The following ADCY3 variants were observed in gnomAD, a reference collection of about 807,000 sequenced individuals.
ADCY3 encodes the protein adenylate cyclase type 3.
A neutral mutation model predicts 119.4 loss-of-function variants in ADCY3; 70 were observed. The ratio of observed to expected loss-of-function variants is 0.59; its 90% CI spans 0.48 to 0.72. The LOEUF (loss-of-function observed/expected upper bound fraction) is 0.72, where lower values mean the gene tolerates loss of function less well. Ranked by LOEUF, ADCY3 falls within the 30% of genes least tolerant of loss-of-function variation. The pLI is 0.00. For missense variants in ADCY3, 1,238 were observed against 1,541.6 expected (o/e 0.80, Z 3.30); for synonymous variants, 672 against 621.4 (o/e 1.08, Z -1.21).
chr2:24,915,791 T>C (rs1034272522), intron 2 of ADCY3, among the ~76,000 whole-genome samples: 4 of 152,210 alleles, frequency 2.6e-5, no homozygotes, highest in African/African-American at 9.7e-5. Flanking sequence ...TCCGCCCGCC[T>C]CAGCCTGCCA....
intron 2 of ADCY3, among the ~76,000 whole-genome samples, chr2:24,894,775 A>G (rs996870824): frequency 6.6e-6 from 1 of 151,546 alleles, no homozygotes; most frequent in Non-Finnish European, 1.5e-5. Flanking sequence ...TTGCCTCAAC[A>G]TTTTTTGTAC....
chr2:24,848,052 C>T (rs1321134752), intron 3 of ADCY3, among the ~76,000 whole-genome samples: 1 of 152,240 alleles, frequency 6.6e-6, no homozygotes, highest in Non-Finnish European at 1.5e-5. Flanking sequence ...CTCACTGTGG[C>T]TATAAGGTGT....
chr2:24,850,681 T>C (rs1234988548), intron 3 of ADCY3, among the ~76,000 whole-genome samples: 2 of 152,230 alleles, frequency 1.3e-5, no homozygotes, highest in Admixed American at 6.5e-5. Flanking sequence ...TAAAAAGATA[T>C]ACGTAGAAGG....
rs1293725674 is a variant in ADCY3 at position 24,865,029 on chromosome 2, AG to A, written c.825+7540del. ...TATTTATTACAGCAATGTTTACAGTAGCAAAAGATTGGAAATAACCTAGAAA... is the reference window on the plus strand; with the variant it reads ...TATTTATTACAGCAATGTTTACAGTACAAAAGATTGGAAATAACCTAGAAA... On this transcript the variant is annotated intron_variant, in intron 3 of 21. Transcript: ENST00000679454. Among the ~76,000 whole-genome samples, 21 of 152,344 alleles carry A rather than the reference AG, an allele frequency of 1.4e-4. No homozygotes were observed. The South Asian group carries it at 2.7e-3, about 20-fold the overall frequency.
chr2:24,847,758 T>G (rs1450561437), intron 3 of ADCY3, among the ~76,000 whole-genome samples: 2 of 152,202 alleles, frequency 1.3e-5, no homozygotes, highest in Non-Finnish European at 2.9e-5. Flanking sequence ...AGGAAGGTTT[T>G]CAAGAAAAGC....
At chr2:24,840,414 C>A in intron 6 of ADCY3, 1 of 392,254 alleles carries the variant, frequency 2.5e-6, no homozygotes, top group South Asian at 2.2e-5. Flanking sequence ...CAGCCCCCTG[C>A]CTGAACGTGT....
intron 16 of ADCY3, among the ~76,000 whole-genome samples, chr2:24,825,334 C>G (rs1340153092): frequency 1.2e-5 from 1 of 81,572 alleles, no homozygotes; most frequent in African/African-American, 6.8e-5. Flanking sequence ...GTGGTTGTGG[C>G]GGGGGGGGGG....
intron 3 of ADCY3, among the ~76,000 whole-genome samples, chr2:24,867,262 G>A (rs1225835785): frequency 1.3e-5 from 2 of 152,242 alleles, no homozygotes; most frequent in Non-Finnish European, 2.9e-5. Context: ...ATAGTGAAAT[G>A]CTTTTAAAGG....
At chr2:24,821,089 A>T (rs1014483617) in intron 20 of ADCY3, 3 of 532,070 alleles carry the variant, frequency 5.6e-6, no homozygotes, top group Non-Finnish European at 9.8e-6. Flanking sequence ...GGTAGTGGCC[A>T]GCTTCTAACA....
intron 2 of ADCY3, among the ~76,000 whole-genome samples, chr2:24,879,761 G>A (rs1259905274): frequency 1.3e-5 from 2 of 152,086 alleles, no homozygotes; most frequent in East Asian, 1.9e-4. Context: ...CCCTTACCCC[G>A]GGGCCAGGGC....
chr2:24,861,084 G>A (rs1368062934), intron 3 of ADCY3, among the ~76,000 whole-genome samples: 1 of 152,048 alleles, frequency 6.6e-6, no homozygotes, highest in African/African-American at 2.4e-5. Flanking sequence ...AACCCCGTCT[G>A]TACTAGAAAT....
rs554839167 is a variant in ADCY3, at chr2:24,898,401, G to A, written c.675+19912C>T. 1.3e-5 allele frequency among the ~76,000 whole-genome samples: 2 copies of A among 152,224 alleles called. No homozygotes were observed. The highest frequency in any genetic ancestry group is 4.2e-4 in the South Asian group (2 of 4,808). ...TGGGAGTCGGGACACTGACTGTGTG[G>A]GAATGCACCTATGCAGGGCTGTCCT... On this transcript the variant is annotated intron_variant, in intron 2 of 21. Coordinates refer to ENST00000679454, the MANE Select transcript of ADCY3 (RefSeq NM_004036.5). The surrounding 1 kb of genome is among the most constrained non-coding windows in gnomAD (Gnocchi z 4.3).
intron 7 of ADCY3, among the ~76,000 whole-genome samples, chr2:24,839,560 G>T (rs58226332): frequency 6.6e-6 from 1 of 152,282 alleles, no homozygotes; most frequent in African/African-American, 2.4e-5. Flanking sequence ...AGGAGAGCTG[G>T]GGCAGCCCCC....
At chr2:24,885,173 C>T (rs762955842) in intron 2 of ADCY3, among the ~76,000 whole-genome samples, 9 of 152,188 alleles carry the variant, frequency 5.9e-5, no homozygotes, top group Non-Finnish European at 1.2e-4. Context: ...TCTTGATGAG[C>T]ACCACCTGCA....
chr2:24,822,388 C>G, intron 19 of ADCY3, 123 bp downstream of exon 19: 1 of 1,328,460 alleles, frequency 7.5e-7, no homozygotes, highest in South Asian at 1.4e-5. Flanking sequence ...TTACGTGGTG[C>G]TGGTGGTGTG....
intron 2 of ADCY3, among the ~76,000 whole-genome samples, chr2:24,882,854 C>T (rs1021114013): frequency 5.3e-5 from 8 of 152,084 alleles, no homozygotes; most frequent in African/African-American, 1.4e-4. Flanking sequence ...GTCAGGAGTT[C>T]GAGACCAGCC....
intron 2 of ADCY3, among the ~76,000 whole-genome samples, chr2:24,894,979 T>C (rs374621388): frequency 6.6e-6 from 1 of 152,228 alleles, no homozygotes; most frequent in Admixed American, 6.5e-5. Context: ...TCTTTGTTCC[T>C]CTCTATGTCG....
chr2:24,912,166 C>G (rs977908501), intron 2 of ADCY3, among the ~76,000 whole-genome samples: 1 of 151,832 alleles, frequency 6.6e-6, no homozygotes, highest in Non-Finnish European at 1.5e-5. Flanking sequence ...TTATCAAGAA[C>G]GTGTAATTTG....
chr2:24,911,008 T>C (rs1663546573), intron 2 of ADCY3, among the ~76,000 whole-genome samples: 1 of 151,978 alleles, frequency 6.6e-6, no homozygotes, highest in African/African-American at 2.4e-5. Flanking sequence ...TCCTATAATG[T>C]AACAACGCCT....
Sources: gnomAD v4.1 joint callset for allele counts (sites outside exome capture counted in the v4.1 genomes callset) on GRCh38, gnomAD v4.1.1 for gene constraint, Gnocchi (gnomAD v3.1) non-coding constraint, MANE v1.5 for transcripts, NCBI Gene and HGNC (gene_info 2026-07-23, HGNC 2026-07-21) for gene names.